SUGP1: variants seen among roughly 807,000 people sequenced by gnomAD.
SUGP1 encodes the protein SURP and G-patch domain-containing protein 1.
In SUGP1, 34 loss-of-function variants were observed where a neutral mutation model predicts 76.5. That is an observed-to-expected ratio of 0.44 (90% CI 0.34 to 0.59). The LOEUF (loss-of-function observed/expected upper bound fraction) is 0.59. SUGP1 is among the 20% of genes least tolerant of loss of function. The pLI is 0.01. For missense variants in SUGP1, 752 were observed against 851.7 expected (o/e 0.88, Z 1.46); for synonymous variants, 326 against 326.2 (o/e 1.00, Z 0.01).
At chr19:19,305,055 G>A (rs1490188405) in intron 4 of SUGP1, among the ~76,000 whole-genome samples, 1 of 152,156 alleles carries the variant, frequency 6.6e-6, no homozygotes, top group African/African-American at 2.4e-5. Flanking sequence ...TGGAGCTGCT[G>A]GGGCACCCCT....
At chr19:19,303,290 T>G in intron 6 of SUGP1, 58 bp downstream of exon 6, 3 of 1,461,606 alleles carry the variant, frequency 2.1e-6, no homozygotes, top group Non-Finnish European at 2.9e-6. Flanking sequence ...GATTCCGCAT[T>G]GGGGCACGGT....
intron 3 of SUGP1, 78 bp from the exon 4 acceptor site, chr19:19,306,154 T>G: frequency 1.5e-6 from 2 of 1,372,094 alleles, no homozygotes; most frequent in Non-Finnish European, 1.9e-6. Flanking sequence ...CTAGGTGCTG[T>G]GGGCCCCGGG....
intron 7 of SUGP1, among the ~76,000 whole-genome samples, chr19:19,298,755 T>C (rs1406958646): frequency 1.3e-5 from 2 of 152,172 alleles, no homozygotes; most frequent in East Asian, 1.9e-4. Flanking sequence ...GAAAAGACAC[T>C]TGACAGCCGG....
chr19:19,306,672 G>A (rs941979457), intron 3 of SUGP1, among the ~76,000 whole-genome samples: 10 of 152,354 alleles, frequency 6.6e-5, no homozygotes, highest in East Asian at 1.9e-4. Context: ...GAAGCTCCAC[G>A]GGTGACGATT....
chr19:19,308,960 G>A (rs2061335498), intron 3 of SUGP1, among the ~76,000 whole-genome samples: 1 of 152,038 alleles, frequency 6.6e-6, no homozygotes, highest in African/African-American at 2.4e-5. Context: ...TCCACCTCCT[G>A]GGTTCAACCG....
intron 7 of SUGP1, among the ~76,000 whole-genome samples, chr19:19,301,151 C>A (rs1435103939): frequency 2.0e-5 from 3 of 152,136 alleles, no homozygotes; most frequent in Non-Finnish European, 4.4e-5. Context: ...ATCCCCAGGG[C>A]CAGTCTGACA....
chr19:19,291,997 G>A (rs1195105602), intron 8 of SUGP1, among the ~76,000 whole-genome samples: 3 of 151,708 alleles, frequency 2.0e-5, no homozygotes, highest in Non-Finnish European at 4.4e-5. Flanking sequence ...AATAAGCCGC[G>A]TGCAGTGATT....
rs919277690 is a variant in SUGP1, at chr19:19,292,714, T to C, written c.1243+4275A>G. 5.3e-5 allele frequency among the ~76,000 whole-genome samples: 8 copies of C among 152,154 alleles called. 1 individual carries two copies. The highest frequency in any genetic ancestry group is 6.6e-5 in the Admixed American group (1 of 15,262). ...AGAAAAATACAATTGAATATTCCTA[T>C]GAATACAGATGGAGAAATCCTCAAT... On this transcript the variant is annotated intron_variant, in intron 8 of 13. Coordinates refer to ENST00000247001, the MANE Select transcript of SUGP1 (RefSeq NM_172231.4).
intron 8 of SUGP1, among the ~76,000 whole-genome samples, chr19:19,294,583 G>A (rs995748343): frequency 1.3e-5 from 2 of 151,332 alleles, no homozygotes; most frequent in African/African-American, 4.9e-5. Flanking sequence ...ACTCTCGGTA[G>A]GAAACACAGG....
At chr19:19,278,192 G>A (rs2061068889) in intron 11 of SUGP1, among the ~76,000 whole-genome samples, 1 of 152,170 alleles carries the variant, frequency 6.6e-6, no homozygotes, top group Non-Finnish European at 1.5e-5. Context: ...CATGTCCTGA[G>A]AGCAATTTGT....
intron 10 of SUGP1, among the ~76,000 whole-genome samples, 158 bp downstream of exon 10, chr19:19,279,055 G>A (rs969988016): frequency 1.3e-5 from 2 of 152,190 alleles, no homozygotes; most frequent in East Asian, 1.9e-4. Context: ...CAGAGAGACT[G>A]AGCCTCTCAC....
At chr19:19,291,178 C>T (rs1283563049) in intron 8 of SUGP1, among the ~76,000 whole-genome samples, 1 of 152,238 alleles carries the variant, frequency 6.6e-6, no homozygotes, top group African/African-American at 2.4e-5. Flanking sequence ...CCTAAGCGTA[C>T]ACCTTAGTGA....
chr19:19,295,676 A>G (rs575684411), intron 8 of SUGP1, among the ~76,000 whole-genome samples: 14 of 149,826 alleles, frequency 9.3e-5, no homozygotes, highest in African/African-American at 3.4e-4. Context: ...TGCCACTTGC[A>G]CTGCAGCCTG....
chr19:19,297,953 G>A (rs2061241721), intron 7 of SUGP1, among the ~76,000 whole-genome samples: 2 of 152,188 alleles, frequency 1.3e-5, no homozygotes. Flanking sequence ...GCACCTACTG[G>A]CGCCTCTCGG....
At chr19:19,279,414 G>A (rs2061080140) in intron 9 of SUGP1, 24 bp from the exon 10 acceptor site, 1 of 1,575,796 alleles carries the variant, frequency 6.3e-7, no homozygotes, top group Non-Finnish European at 8.6e-7. Context: ...TCGCCAGTGA[G>A]CCAGGGCACG....
Position 19,276,405 on chromosome 19 carries a change from G to T in SUGP1, c.*243C>A. On this transcript the variant is annotated 3_prime_UTR_variant, in exon 14 of 14. Transcript: ENST00000247001. Reference sequence around the variant, plus strand: ...TCTTCCTCCCCTCCAGTGCAACCCAGGCTGAGCGGGGATGGAGACTCCACA... The same window carrying T: ...TCTTCCTCCCCTCCAGTGCAACCCATGCTGAGCGGGGATGGAGACTCCACA... 1 of 513,632 alleles carries T rather than the reference G, an allele frequency of 1.9e-6. No individual in the cohort carries two copies. The highest frequency in any genetic ancestry group is 3.5e-6 in the Non-Finnish European group (1 of 284,774). The allele number at this position is 513,632 out of a possible 1,614,324, so 31.8% of individuals were successfully genotyped here.
At chr19:19,303,668 G>T in intron 5 of SUGP1, 56 bp downstream of exon 5, 3 of 1,601,378 alleles carry the variant, frequency 1.9e-6, no homozygotes, top group South Asian at 1.1e-5. Flanking sequence ...CCACACGTGC[G>T]ACTGTGCAGC....
intron 1 of SUGP1, among the ~76,000 whole-genome samples, chr19:19,316,972 T>C (rs2061398824): frequency 6.6e-6 from 1 of 152,004 alleles, no homozygotes; most frequent in South Asian, 2.1e-4. Flanking sequence ...ACCCTGTCTC[T>C]ACTAAAAATA....
At chr19:19,314,088 G>A (rs993560822) in intron 2 of SUGP1, among the ~76,000 whole-genome samples, 1 of 151,926 alleles carries the variant, frequency 6.6e-6, no homozygotes, top group African/African-American at 2.4e-5. Flanking sequence ...AGTGAGCCAA[G>A]ATCACACCAC....
Sources: allele counts gnomAD v4.1 joint callset (sites outside exome capture counted in the v4.1 genomes callset), GRCh38; gene constraint gnomAD v4.1.1; transcripts MANE v1.5; gene names NCBI Gene and HGNC (gene_info 2026-07-23, HGNC 2026-07-21).